The following KIFAP3 variants were observed in gnomAD, a reference collection of about 807,000 sequenced individuals.
KIFAP3 encodes the protein kinesin associated protein 3.
Under a neutral mutation model 106.5 loss-of-function variants are expected in KIFAP3, and 68 were observed. The observed-to-expected ratio is 0.64, with a 90% CI of 0.53 to 0.78. KIFAP3 has a LOEUF of 0.78. Ranked by LOEUF, KIFAP3 falls within the 30% of genes least tolerant of loss-of-function variation. KIFAP3 has a pLI of 0.00. For synonymous variants in KIFAP3, 320 were observed against 311.5 expected, an observed-to-expected ratio of 1.03 and a Z score of -0.29; for missense variants, 780 against 941.8, an observed-to-expected ratio of 0.83 and a Z score of 2.25.
intron 10 of KIFAP3, among the ~76,000 whole-genome samples, chr1:170,011,289 TTGAAGGAAAAC>T (rs1217197213): frequency 1.3e-5 from 2 of 151,864 alleles, no homozygotes. Context: ...TTCTGAAGGT[TTGAAGGAAAAC>T]AAGTCTAACC....
At chr1:170,024,333 G>A in intron 9 of KIFAP3, 85 bp downstream of exon 9, 1 of 774,626 alleles carries the variant, frequency 1.3e-6, no homozygotes, top group Non-Finnish European at 2.0e-6. Context: ...CTCGGTAGGG[G>A]AATAAAGTGT....
intron 1 of KIFAP3, among the ~76,000 whole-genome samples, chr1:170,084,213 C>T (rs1672066541): frequency 6.6e-6 from 1 of 152,196 alleles, no homozygotes; most frequent in Non-Finnish European, 1.5e-5. Context: ...AAGCAAAACT[C>T]TTTTTCCTAG....
intron 1 of KIFAP3, among the ~76,000 whole-genome samples, chr1:170,067,028 A>C (rs1477190293): frequency 6.6e-6 from 1 of 152,150 alleles, no homozygotes; most frequent in Non-Finnish European, 1.5e-5. Flanking sequence ...AAATTTCTAG[A>C]ATTAAAAATA....
intron 1 of KIFAP3, among the ~76,000 whole-genome samples, chr1:170,074,176 T>C (rs573364145): frequency 1.3e-5 from 2 of 151,498 alleles, no homozygotes; most frequent in Admixed American, 1.3e-4. Flanking sequence ...CCTCTCCCCC[T>C]GGAATAAGGT....
chr1:170,083,840 T>G (rs565024610), intron 1 of KIFAP3, among the ~76,000 whole-genome samples: 1 of 152,328 alleles, frequency 6.6e-6, no homozygotes, highest in Non-Finnish European at 1.5e-5. Flanking sequence ...TGCCAAAGAT[T>G]ATTGCAAGGA....
chr1:170,084,316 C>G (rs1261847393), intron 1 of KIFAP3, among the ~76,000 whole-genome samples: 2 of 152,312 alleles, frequency 1.3e-5, no homozygotes, highest in Middle Eastern at 6.8e-3. Context: ...ATACCTCTAT[C>G]CTCTCCAATA....
At chr1:170,046,455 T>TTACTTCAG in intron 3 of KIFAP3, among the ~76,000 whole-genome samples, 1 of 152,306 alleles carries the variant, frequency 6.6e-6, no homozygotes, top group East Asian at 1.9e-4. Context: ...TTTTTTATTC[T>TTACTTCAG]TACTTCAGTG....
chr1:170,051,778 G>A (rs1214329280), intron 2 of KIFAP3, among the ~76,000 whole-genome samples: 1 of 152,140 alleles, frequency 6.6e-6, no homozygotes, highest in Non-Finnish European at 1.5e-5. Flanking sequence ...CAGAAGTAAA[G>A]AAGTTCTTTG....
Position 170,074,421 on chromosome 1 carries a change from T to G in KIFAP3, c.32+15A>C. The G allele has an allele frequency of 6.2e-7, 1 of 1,613,884 alleles. No homozygotes were observed. The highest frequency in any genetic ancestry group is 8.5e-7 in the Non-Finnish European group (1 of 1,179,912). The stretch of plus-strand genomic sequence containing the variant: ...CTGGCAAGGAGGGTAGGACAGAGCC[T>G]TGGGGAGTCGTCACCTTTTGAGGTA... On this transcript the variant is annotated intron_variant, in intron 1 of 19. Coordinates refer to ENST00000361580, the MANE Select transcript of KIFAP3 (RefSeq NM_014970.4).
intron 19 of KIFAP3, among the ~76,000 whole-genome samples, chr1:169,927,030 AT>A (rs1663176779): frequency 6.6e-6 from 1 of 152,196 alleles, no homozygotes; most frequent in South Asian, 2.1e-4. Flanking sequence ...TAATATATTG[AT>A]TATAGAATCA....
chr1:170,062,592 C>A (rs569719957), intron 1 of KIFAP3, among the ~76,000 whole-genome samples: 1 of 152,004 alleles, frequency 6.6e-6, no homozygotes, highest in Non-Finnish European at 1.5e-5. Flanking sequence ...TTTGATTTAT[C>A]TGTATATTAT....
intron 16 of KIFAP3, among the ~76,000 whole-genome samples, chr1:169,975,248 G>C (rs1171368077): frequency 6.6e-6 from 1 of 152,014 alleles, no homozygotes; most frequent in Non-Finnish European, 1.5e-5. Context: ...TTATGTGATT[G>C]AGTCACAGTT....
intron 11 of KIFAP3, among the ~76,000 whole-genome samples, chr1:169,991,352 A>T (rs1667097172): frequency 6.6e-6 from 1 of 152,024 alleles, no homozygotes; most frequent in Non-Finnish European, 1.5e-5. Context: ...TCTCAAAAAA[A>T]AAAAAGGAAG....
intron 9 of KIFAP3, among the ~76,000 whole-genome samples, chr1:170,020,534 GCCTC>G (rs1198051327): frequency 6.6e-6 from 1 of 152,046 alleles, no homozygotes; most frequent in Non-Finnish European, 1.5e-5. Context: ...TGCAAGCTCT[GCCTC>G]CAGGGTTCAC....
intron 2 of KIFAP3, among the ~76,000 whole-genome samples, chr1:170,049,981 T>C (rs570079393): frequency 3.3e-5 from 5 of 152,104 alleles, no homozygotes; most frequent in Admixed American, 2.6e-4. Context: ...CAAAACTGGA[T>C]GGAGAATGAG....
At chr1:169,980,311 T>A (rs1359382923) in intron 15 of KIFAP3, among the ~76,000 whole-genome samples, 1 of 152,176 alleles carries the variant, frequency 6.6e-6, no homozygotes, top group African/African-American at 2.4e-5. Context: ...TAGTACAAGA[T>A]GAACTGAGAT....
At position 169,982,880 on chromosome 1, in the gene KIFAP3, T is replaced by A. The variant is rs1666604550; in HGVS notation, c.1507-13A>T. On this transcript the variant is annotated splice_polypyrimidine_tract_variant and intron_variant, in intron 13 of 19. Transcript: ENST00000361580. The stretch of plus-strand genomic sequence containing the variant: ...CCCCAACATAATCCTGAATAAAACA[T>A]AATTTTAATATAAATTTAAATTATT... The A allele has an allele frequency of 7.8e-7, 1 of 1,282,486 alleles. No homozygotes were observed. The highest frequency in any genetic ancestry group is 3.0e-5 in the Admixed American group (1 of 33,704). The allele number at this position is 1,282,486 out of a possible 1,614,324, so 79.4% of individuals were successfully genotyped here. A position where few individuals can be genotyped will look rare whatever the true frequency, so the allele number is the denominator to read the frequency against.
chr1:170,082,676 A>G (rs1379406327), intron 1 of KIFAP3, among the ~76,000 whole-genome samples: 1 of 152,210 alleles, frequency 6.6e-6, no homozygotes, highest in Non-Finnish European at 1.5e-5. Context: ...ATTAAATAGC[A>G]TATTAAACAC....
intron 11 of KIFAP3, among the ~76,000 whole-genome samples, chr1:169,991,024 A>G (rs1463406406): frequency 6.6e-6 from 1 of 152,102 alleles, no homozygotes; most frequent in Non-Finnish European, 1.5e-5. Flanking sequence ...GTTAATAATA[A>G]AAATATTAAC....
Sources: allele counts gnomAD v4.1 joint callset (sites outside exome capture counted in the v4.1 genomes callset), GRCh38; gene constraint gnomAD v4.1.1; transcripts MANE v1.5; gene names NCBI Gene and HGNC (gene_info 2026-07-23, HGNC 2026-07-21).